ELMO1: variants seen among roughly 807,000 people sequenced by gnomAD.
The protein encoded by ELMO1 is engulfment and cell motility 1, also known as engulfment and cell motility protein 1.
A neutral mutation model predicts 98.9 loss-of-function variants in ELMO1; 26 were observed. The observed-to-expected ratio is 0.26, with a 90% CI of 0.19 to 0.36. ELMO1 has a LOEUF of 0.36. ELMO1 is among the 10% of genes least tolerant of loss of function. The pLI is 1.00. For synonymous variants in ELMO1, 346 were observed against 346.0 expected, an observed-to-expected ratio of 1.00 and a Z score of 0.00; for missense variants, 627 against 935.2, an observed-to-expected ratio of 0.67 and a Z score of 4.30.
chr7:37,133,958 A>G (rs1787095339), intron 13 of ELMO1, among the ~76,000 whole-genome samples: 1 of 152,214 alleles, frequency 6.6e-6, no homozygotes, highest in African/African-American at 2.4e-5. Context: ...TGGGCAAAGG[A>G]CATGAATAGA....
At chr7:37,346,591 C>T (rs1425380991) in intron 1 of ELMO1, among the ~76,000 whole-genome samples, 1 of 152,212 alleles carries the variant, frequency 6.6e-6, no homozygotes, top group African/African-American at 2.4e-5. Flanking sequence ...ATCTGTGCTA[C>T]ATTACTTCAG....
At chr7:37,369,336 A>G (rs769849711) in intron 1 of ELMO1, among the ~76,000 whole-genome samples, 2 of 152,184 alleles carry the variant, frequency 1.3e-5, no homozygotes, top group Non-Finnish European at 2.9e-5. Context: ...GAGCATCCCT[A>G]ATCCAAAAAT....
At chr7:37,253,705 T>G (rs1795481400) in intron 6 of ELMO1, among the ~76,000 whole-genome samples, 1 of 138,780 alleles carries the variant, frequency 7.2e-6, no homozygotes, top group South Asian at 2.3e-4. Context: ...TGCACATGTA[T>G]CCAAGAACTT....
intron 13 of ELMO1, among the ~76,000 whole-genome samples, chr7:37,173,163 ATT>A (rs1272188633): frequency 6.6e-6 from 1 of 152,262 alleles, no homozygotes; most frequent in African/African-American, 2.4e-5. Flanking sequence ...ACTGCACAGA[ATT>A]TAAGGCAAAC....
intron 1 of ELMO1, among the ~76,000 whole-genome samples, chr7:37,446,118 C>A (rs1445853762): frequency 6.6e-6 from 1 of 152,230 alleles, no homozygotes; most frequent in Non-Finnish European, 1.5e-5. Context: ...GGGCTTCTCA[C>A]TTGCACTAAT....
At chr7:37,439,637 A>G (rs1488948034) in intron 1 of ELMO1, among the ~76,000 whole-genome samples, 1 of 152,220 alleles carries the variant, frequency 6.6e-6, no homozygotes, top group Non-Finnish European at 1.5e-5. Flanking sequence ...ATTTATATAC[A>G]TTTTAAGGAT....
Position 37,166,021 on chromosome 7 carries a change from T to A in ELMO1, c.1087-32787A>T, listed in dbSNP as rs548474501. Among the ~76,000 whole-genome samples, 5 of 152,310 alleles carry A rather than the reference T, an allele frequency of 3.3e-5. No homozygotes were observed. In the East Asian group the frequency reaches 9.6e-4, roughly 29 times the overall value. ...ATTATTGCCACAATTTCAGCTCCTG[T>A]TATTGGTCTATTCAGAGATTCAACT... On this transcript the variant is annotated intron_variant, in intron 13 of 21. Coordinates refer to ENST00000310758, the MANE Select transcript of ELMO1 (RefSeq NM_014800.11).
At chr7:37,190,540 C>G (rs1286039147) in intron 13 of ELMO1, among the ~76,000 whole-genome samples, 1 of 152,114 alleles carries the variant, frequency 6.6e-6, no homozygotes, top group East Asian at 1.9e-4. Flanking sequence ...CTCTGTCACC[C>G]AGGCTAGAGT....
chr7:36,896,603 T>G (rs988666942), intron 16 of ELMO1, among the ~76,000 whole-genome samples: 1 of 152,206 alleles, frequency 6.6e-6, no homozygotes, highest in African/African-American at 2.4e-5. Flanking sequence ...GCATAAGCAT[T>G]GTTTCATGCC....
intron 6 of ELMO1, among the ~76,000 whole-genome samples, 173 bp downstream of exon 6, chr7:37,259,008 C>T (rs1467487733): frequency 6.6e-6 from 1 of 151,654 alleles, no homozygotes; most frequent in Non-Finnish European, 1.5e-5. Flanking sequence ...GGATGGAGAA[C>T]TCTTGAAATT....
chr7:37,310,456 C>T (rs1028923749), intron 4 of ELMO1, among the ~76,000 whole-genome samples: 3 of 152,202 alleles, frequency 2.0e-5, no homozygotes, highest in Non-Finnish European at 4.4e-5. Context: ...TGCAATCATA[C>T]TGCCTTAGGC....
chr7:37,210,571 T>C (rs1792903561), intron 13 of ELMO1, among the ~76,000 whole-genome samples: 1 of 151,074 alleles, frequency 6.6e-6, no homozygotes, highest in Non-Finnish European at 1.5e-5. Flanking sequence ...ATATAAAATA[T>C]ATACACCTTA....
At chr7:37,083,446 A>T (rs903051040) in intron 15 of ELMO1, among the ~76,000 whole-genome samples, 25 of 152,182 alleles carry the variant, frequency 1.6e-4, no homozygotes, top group Non-Finnish European at 2.1e-4. Context: ...ATTTCCATTT[A>T]AAAAAATGCA....
chr7:37,178,332 C>T (rs1040804062), intron 13 of ELMO1, among the ~76,000 whole-genome samples: 5 of 151,692 alleles, frequency 3.3e-5, no homozygotes, highest in African/African-American at 9.7e-5. Context: ...TTCACTACCA[C>T]GAGAATAGCA....
intron 20 of ELMO1, among the ~76,000 whole-genome samples, chr7:36,862,592 T>G (rs1232101925): frequency 1.3e-5 from 2 of 152,242 alleles, no homozygotes; most frequent in Non-Finnish European, 2.9e-5. Context: ...TCTAGTGGTC[T>G]GAGCGGTCAG....
chr7:36,949,136 G>A (rs971411082), intron 16 of ELMO1, among the ~76,000 whole-genome samples: 4 of 151,946 alleles, frequency 2.6e-5, no homozygotes, highest in Non-Finnish European at 5.9e-5. Flanking sequence ...CATTACAAGC[G>A]TGAGCCACCA....
At chr7:37,399,169 T>C (rs1803419625) in intron 1 of ELMO1, among the ~76,000 whole-genome samples, 3 of 152,128 alleles carry the variant, frequency 2.0e-5, no homozygotes. Context: ...TGTGATGTCA[T>C]AGCCTGCCCA....
At position 37,133,100 on chromosome 7, in the gene ELMO1, ACAATATCTGAAAAG is replaced by A. The variant is rs765041719; in HGVS notation, c.1191+16_1191+29del. 2 of 1,555,522 alleles carry A rather than the reference ACAATATCTGAAAAG, an allele frequency of 1.3e-6. No homozygotes were observed. The highest frequency in any genetic ancestry group is 2.3e-5 in the South Asian group (2 of 87,458). On this transcript the variant is annotated intron_variant, in intron 14 of 21. Transcript: ENST00000310758. ...GAAATTAACATTGAGTAGGAAACAC[ACAATATCTGAAAAG>A]GGGCTTCTTGCTTACCCGGATGTAG...
chr7:37,207,267 C>T (rs1792685635), intron 13 of ELMO1, among the ~76,000 whole-genome samples: 1 of 152,142 alleles, frequency 6.6e-6, no homozygotes, highest in African/African-American at 2.4e-5. Context: ...TAGCATTATC[C>T]CGGCAGGGCA....
Sources: gnomAD v4.1 joint callset for allele counts (sites outside exome capture counted in the v4.1 genomes callset) on GRCh38, gnomAD v4.1.1 for gene constraint, MANE v1.5 for transcripts, NCBI Gene and HGNC (gene_info 2026-07-23, HGNC 2026-07-21) for gene names.